FAHD2A: variants seen among roughly 807,000 people sequenced by gnomAD.
FAHD2A encodes fumarylacetoacetate hydrolase domain containing 2A.
A neutral mutation model predicts 33.4 loss-of-function variants in FAHD2A; 27 were observed. The ratio of observed to expected loss-of-function variants is 0.81; its 90% CI spans 0.60 to 1.11. FAHD2A has a LOEUF of 1.11. FAHD2A is among the 50% of genes most tolerant of loss of function. The probability of loss-of-function intolerance (pLI) is 0.00; values close to 1 mark genes in which losing one functional copy is unlikely to be tolerated. For missense variants in FAHD2A, 296 were observed against 395.0 expected, an observed-to-expected ratio of 0.75 and a Z score of 2.12; for synonymous variants, 130 against 153.3, an observed-to-expected ratio of 0.85 and a Z score of 1.12.
At chr2:95,419,666 C>T, downstream of FAHD2A, among the ~76,000 whole-genome samples, 1 of 151,998 alleles carries the variant, frequency 6.6e-6, no homozygotes, top group Non-Finnish European at 1.5e-5. Context: ...ATCCTAGTGG[C>T]AACTTCACAC....
chr2:95,411,353 T>A (rs1176229152), intron 5 of FAHD2A, among the ~76,000 whole-genome samples: 2 of 152,196 alleles, frequency 1.3e-5, no homozygotes, highest in African/African-American at 4.8e-5. Context: ...GGAGCATAGT[T>A]ATCCCAAGGC....
chr2:95,413,194 G>T lies in FAHD2A; in HGVS notation c.*237G>T. On this transcript the variant is annotated 3_prime_UTR_variant, in exon 8 of 8. Transcript: ENST00000233379. Reference sequence around the variant, plus strand: ...TTCATGGGACAAGTTGGGGCATTTTGTGGGACTGGGGAAGAAGAGAGCAAA... The same window carrying T: ...TTCATGGGACAAGTTGGGGCATTTTTTGGGACTGGGGAAGAAGAGAGCAAA... The T allele has an allele frequency of 9.5e-7, 1 of 1,050,526 alleles. No individual in the cohort carries two copies. The highest frequency in any genetic ancestry group is 1.7e-5 in the South Asian group (1 of 59,056). The allele number at this position is 1,050,526 out of a possible 1,614,324, so 65.1% of individuals were successfully genotyped here.
chr2:95,410,781 A>G (rs1682352078), intron 4 of FAHD2A, 83 bp from the exon 5 acceptor site: 1 of 1,585,108 alleles, frequency 6.3e-7, no homozygotes, highest in Non-Finnish European at 8.6e-7. Flanking sequence ...AACATGGGAT[A>G]ACAGCTTAGA....
In FAHD2A at chr2:95,414,134, G is replaced by A; in HGVS notation, c.*1177G>A. ...GGGATAGATCTCCGACTGGACAGAA[G>A]ACTACTCTGCAGCCCGCCTTCCTAG... On this transcript the variant is annotated 3_prime_UTR_variant, in exon 8 of 8. Coordinates refer to ENST00000233379, the MANE Select transcript of FAHD2A (RefSeq NM_016044.3). The A allele has an allele frequency of 6.6e-7, 1 of 1,512,776 alleles. No homozygotes were observed. Among genetic ancestry groups the A allele is most frequent in the Non-Finnish European group, 9.0e-7 (1 of 1,106,994 alleles). The allele number at this position is 1,512,776 out of a possible 1,614,324, so 93.7% of individuals were successfully genotyped here. A position where few individuals can be genotyped will look rare whatever the true frequency, so the allele number is the denominator to read the frequency against.
chr2:95,418,340 T>C (rs1389074205), downstream of FAHD2A, among the ~76,000 whole-genome samples: 1 of 151,896 alleles, frequency 6.6e-6, no homozygotes, highest in Non-Finnish European at 1.5e-5. Flanking sequence ...TTGGTGGCAA[T>C]ACTTGCCCTG....
Position 95,407,091 on chromosome 2 carries a change from C to G in FAHD2A, c.396C>G (p.Ile132Met). 1 of 1,612,506 alleles carries G rather than the reference C, an allele frequency of 6.2e-7. No individual in the cohort carries two copies. Among genetic ancestry groups the G allele is most frequent in the Non-Finnish European group, 8.5e-7 (1 of 1,179,864 alleles). ...TGCCCGTGCCCAAGGAGCCCATCAT[C>G]TTCAGCAAGTTTGCCAGCTCCATCG... is the stretch of plus-strand genomic sequence containing the variant. ...QNVPVPKEPIIFSKFASSIVG... is the reference protein window; with the variant it reads ...QNVPVPKEPIMFSKFASSIVG... Residue 132 changes from isoleucine (I) to methionine (M), a missense_variant, in exon 3 of 8, where the codon ATC (isoleucine) becomes ATG (methionine). Coordinates refer to ENST00000233379, the MANE Select transcript of FAHD2A (RefSeq NM_016044.3).
chr2:95,407,429 C>T, intron 3 of FAHD2A: 2 of 525,002 alleles, frequency 3.8e-6, no homozygotes, highest in South Asian at 4.5e-5. Context: ...CTGCCCATGG[C>T]TCGGAATATT....
chr2:95,418,921 C>G (rs965419214), downstream of FAHD2A, among the ~76,000 whole-genome samples: 1 of 152,046 alleles, frequency 6.6e-6, no homozygotes. Flanking sequence ...TAGGATTGGT[C>G]CTTAAGCCAG....
rs1683013213 is a variant in FAHD2A at position 95,414,947 on chromosome 2, A to G, written c.*1990A>G. Reference sequence around the variant, plus strand: ...ACAAAACCAATAACTCAGTAAGCAGATTAAACAAAGGTAGAGACGGAGCCC... The same window carrying G: ...ACAAAACCAATAACTCAGTAAGCAGGTTAAACAAAGGTAGAGACGGAGCCC... On this transcript the variant is annotated 3_prime_UTR_variant, in exon 8 of 8. Coordinates refer to ENST00000233379, the MANE Select transcript of FAHD2A (RefSeq NM_016044.3). 1 of 152,416 alleles carries G rather than the reference A, an allele frequency of 6.6e-6. No homozygotes were observed. Among genetic ancestry groups the G allele is most frequent in the East Asian group, 1.9e-4 (1 of 5,168 alleles). 9.4% of individuals were successfully genotyped at this position (152,416 alleles called of 1,614,324 possible).
downstream of FAHD2A, among the ~76,000 whole-genome samples, chr2:95,419,707 T>C (rs1419813351): frequency 6.6e-6 from 1 of 151,868 alleles, no homozygotes; most frequent in East Asian, 1.9e-4. Flanking sequence ...TTAGTCAGAG[T>C]TCTCCAGAGA....
In FAHD2A at chr2:95,403,386, G is replaced by T. The variant is rs1271532561; in HGVS notation, c.-7+514G>T. 3.3e-5 allele frequency among the ~76,000 whole-genome samples: 5 copies of T among 152,192 alleles called. 1 individual carries two copies. The East Asian group carries it at 9.6e-4, about 29-fold the overall frequency. ...ATGTGGGAAGGGAACAGTCAGTGGG[G>T]CCTGGGGTTCTCTTGGAGAGCTGGT... On this transcript the variant is annotated intron_variant, in intron 1 of 7. Transcript: ENST00000233379.
chr2:95,409,583 A>G (rs534588676), intron 3 of FAHD2A, among the ~76,000 whole-genome samples: 2 of 152,342 alleles, frequency 1.3e-5, no homozygotes, highest in East Asian at 3.9e-4. Flanking sequence ...TGCTGGGATT[A>G]CAGACGTGAC....
rs1427943771 is a variant in FAHD2A at position 95,414,071 on chromosome 2, C to T, written c.*1114C>T. ...GTAGGGAGGACAGGGAGACACTGGG[C>T]ACAGGCTTCTCTCCTCTTGTTTAAA... is the stretch of plus-strand genomic sequence containing the variant. On this transcript the variant is annotated 3_prime_UTR_variant, in exon 8 of 8. Transcript: ENST00000233379. 3 of 1,411,186 alleles carry T rather than the reference C, an allele frequency of 2.1e-6. No individual in the cohort carries two copies. Among genetic ancestry groups the T allele is most frequent in the African/African-American group, 2.8e-5 (2 of 70,722 alleles). The allele number at this position is 1,411,186 out of a possible 1,614,324, so 87.4% of individuals were successfully genotyped here. A position where few individuals can be genotyped will look rare whatever the true frequency, so the allele number is the denominator to read the frequency against.
chr2:95,410,035 T>C (rs991797249), intron 3 of FAHD2A, among the ~76,000 whole-genome samples: 22 of 152,340 alleles, frequency 1.4e-4, no homozygotes, highest in Admixed American at 1.3e-3. Context: ...TATTTTATAG[T>C]GTATTTTATG....
intron 1 of FAHD2A, among the ~76,000 whole-genome samples, chr2:95,404,500 G>A (rs1681218860): frequency 6.6e-6 from 1 of 152,068 alleles, no homozygotes; most frequent in Non-Finnish European, 1.5e-5. Context: ...TCACCACGTT[G>A]GCCAGGCTGG....
At chr2:95,405,177 C>T in intron 1 of FAHD2A, 1 of 181,082 alleles carries the variant, frequency 5.5e-6, no homozygotes, top group East Asian at 1.4e-4. Context: ...CAGCATTAGT[C>T]CTGATAGCTG....
At chr2:95,405,427 C>T (rs560232134) in intron 1 of FAHD2A, 126 bp from the exon 2 acceptor site, 7 of 1,409,612 alleles carry the variant, frequency 5.0e-6, no homozygotes, top group Non-Finnish European at 6.7e-6. Context: ...TGGACCACTT[C>T]CCGTGTGGTA....
chr2:95,409,156 A>G, intron 3 of FAHD2A, among the ~76,000 whole-genome samples: 1 of 152,094 alleles, frequency 6.6e-6, no homozygotes. Flanking sequence ...GACATTCACT[A>G]GGTCCCTCCA....
At chr2:95,417,615 A>G (rs1380326102), downstream of FAHD2A, among the ~76,000 whole-genome samples, 4 of 152,142 alleles carry the variant, frequency 2.6e-5, no homozygotes, top group Non-Finnish European at 4.4e-5. Flanking sequence ...CAAAAATACT[A>G]TAGACTGGGT....
Sources: gnomAD v4.1 joint callset for allele counts (sites outside exome capture counted in the v4.1 genomes callset) on GRCh38, gnomAD v4.1.1 for gene constraint, MANE v1.5 for transcripts, NCBI Gene and HGNC (gene_info 2026-07-23, HGNC 2026-07-21) for gene names.